TENM3: variants seen among roughly 807,000 people sequenced by gnomAD.
TENM3 encodes the protein teneurin-3.
In TENM3, 63 loss-of-function variants were observed where a neutral mutation model predicts 255.1. The observed-to-expected ratio is 0.25, with a 90% CI of 0.20 to 0.30. TENM3 has a LOEUF of 0.30. Ranked by LOEUF, TENM3 falls within the 10% of genes least tolerant of loss-of-function variation. The pLI is 1.00. For missense variants in TENM3, 2,929 were observed against 3,461.1 expected, an observed-to-expected ratio of 0.85 and a Z score of 3.86; for synonymous variants, 1,306 against 1,322.3, an observed-to-expected ratio of 0.99 and a Z score of 0.27.
the TENM3 span, among the ~76,000 whole-genome samples, chr4:181,916,858 G>T: frequency 1.3e-5 from 2 of 151,996 alleles, no homozygotes; most frequent in Non-Finnish European, 2.9e-5. Context: ...CCTGGTGACA[G>T]CAAGACTCCG....
intron 3 of TENM3, among the ~76,000 whole-genome samples, chr4:182,498,537 C>G (rs1736018612): frequency 6.6e-6 from 1 of 151,816 alleles, no homozygotes; most frequent in Admixed American, 6.6e-5. Flanking sequence ...TTCCTATGTA[C>G]CCTCAGATTC....
the TENM3 span, among the ~76,000 whole-genome samples, chr4:181,914,933 A>G: frequency 6.6e-6 from 1 of 152,206 alleles, no homozygotes; most frequent in Non-Finnish European, 1.5e-5. Context: ...ATGTAGCATT[A>G]CAAGCCTTGT....
chr4:182,143,342 A>ACCCGC, upstream of TENM3: 1 of 167,070 alleles, frequency 6.0e-6, no homozygotes, highest in Middle Eastern at 3.4e-3. The surrounding 1 kb of genome is among the most constrained non-coding windows in gnomAD (Gnocchi z 4.3). Context: ...TCCCTGTCCA[A>ACCCGC]AGGTCATTTG....
the TENM3 span, among the ~76,000 whole-genome samples, chr4:182,111,621 C>A: frequency 2.0e-5 from 3 of 152,216 alleles, no homozygotes; most frequent in Admixed American, 6.5e-5. Context: ...GCAAAGGAGT[C>A]TTTTCCTTAG....
chr4:182,751,748 C>T, intron 19 of TENM3, 52 bp from the exon 20 acceptor site: 4 of 1,307,132 alleles, frequency 3.1e-6, no homozygotes, highest in Non-Finnish European at 4.4e-6. Flanking sequence ...TAATTTCCCT[C>T]TGTGTATTAG....
Position 182,688,070 on chromosome 4 carries a change from A to G in TENM3, c.2036-96A>G, listed in dbSNP as rs928256492. 19 of 1,230,310 alleles carry G rather than the reference A, an allele frequency of 1.5e-5. No individual in the cohort carries two copies. The African/African-American group carries it at 2.6e-4, about 17-fold the overall frequency. The allele number at this position is 1,230,310 out of a possible 1,614,324, so 76.2% of individuals were successfully genotyped here. A position where few individuals can be genotyped will look rare whatever the true frequency, so the allele number is the denominator to read the frequency against. On this transcript the variant is annotated intron_variant, in intron 11 of 27. Transcript: ENST00000511685. ...TTTGGATGATTTTGTGTTTCCCTTGAACAAATTTGTGTGGAAGATAAAAGC... is the reference window on the plus strand; with the variant it reads ...TTTGGATGATTTTGTGTTTCCCTTGGACAAATTTGTGTGGAAGATAAAAGC...
chr4:182,763,756 A>G lies in TENM3; in HGVS notation c.4892+8497A>G, dbSNP rs114933027. Among the ~76,000 whole-genome samples, 1,381 of 152,320 alleles carry G rather than the reference A, an allele frequency of 9.1e-3. 19 individuals are homozygous for G. The highest frequency in any genetic ancestry group is 0.031 in the African/African-American group (1,294 of 41,552). On this transcript the variant is annotated intron_variant, in intron 22 of 27. Transcript: ENST00000511685. ...TCTAAATGCATCAGACTATTCCTAG[A>G]GAAGTCAAAAAATATTCAGGATGAC... is the stretch of plus-strand genomic sequence containing the variant.
chr4:182,716,827 TA>T (rs1429743635), intron 13 of TENM3, among the ~76,000 whole-genome samples: 10 of 152,234 alleles, frequency 6.6e-5, no homozygotes, highest in African/African-American at 2.4e-4. Flanking sequence ...TGTAGTGTTA[TA>T]GATCCATTGT....
At chr4:181,569,157 G>A in the TENM3 span, among the ~76,000 whole-genome samples, 3 of 152,000 alleles carry the variant, frequency 2.0e-5, no homozygotes, top group African/African-American at 7.3e-5. Context: ...ACATAGTGAG[G>A]CCCCCGTCTC....
chr4:182,242,602 A>T (rs1757354326), upstream of TENM3, among the ~76,000 whole-genome samples: 1 of 152,096 alleles, frequency 6.6e-6, no homozygotes, highest in South Asian at 2.1e-4. Context: ...CTCTACAAAA[A>T]ATACAAAAAT....
At chr4:182,006,348 G>T in the TENM3 span, among the ~76,000 whole-genome samples, 5 of 152,220 alleles carry the variant, frequency 3.3e-5, no homozygotes, top group African/African-American at 2.4e-5. Flanking sequence ...CTGTGAATCT[G>T]TCTGGTCCTG....
At chr4:182,663,890 C>G (rs1174695885) in intron 6 of TENM3, among the ~76,000 whole-genome samples, 1 of 150,598 alleles carries the variant, frequency 6.6e-6, no homozygotes, top group Non-Finnish European at 1.5e-5. Context: ...CAATCCTTTT[C>G]CCGGTTTCTG....
In TENM3 at chr4:182,589,682, A is replaced by G. The variant is rs143124995; in HGVS notation, c.512-11242A>G. Among the ~76,000 whole-genome samples the G allele has an allele frequency of 1.4e-3, 219 of 151,966 alleles. 2 individuals are homozygous for G. Among genetic ancestry groups the G allele is most frequent in the African/African-American group, 5.1e-3 (212 of 41,502 alleles). On this transcript the variant is annotated intron_variant, in intron 3 of 27. Coordinates refer to ENST00000511685, the MANE Select transcript of TENM3 (RefSeq NM_001080477.4). ...GGTTTGAGAGTATATTCTTTTAAAAACGGTTTGCGGCCGGGCGCAGTGGCT... is the reference window on the plus strand; with the variant it reads ...GGTTTGAGAGTATATTCTTTTAAAAGCGGTTTGCGGCCGGGCGCAGTGGCT...
chr4:182,692,101 T>G (rs1757051508), intron 12 of TENM3, among the ~76,000 whole-genome samples: 2 of 152,220 alleles, frequency 1.3e-5, no homozygotes, highest in African/African-American at 2.4e-5. Flanking sequence ...TATCTGGCTA[T>G]CTCTATGTAA....
chr4:181,561,334 G>A, the TENM3 span, among the ~76,000 whole-genome samples: 1 of 151,976 alleles, frequency 6.6e-6, no homozygotes, highest in Non-Finnish European at 1.5e-5. Context: ...CATGCTGTAT[G>A]AATGAACCAA....
At chr4:182,074,129 G>A in the TENM3 span, among the ~76,000 whole-genome samples, 1 of 152,156 alleles carries the variant, frequency 6.6e-6, no homozygotes, top group Non-Finnish European at 1.5e-5. Flanking sequence ...ACAGAATTAT[G>A]GCTAAACTGC....
chr4:181,652,031 C>T, the TENM3 span, among the ~76,000 whole-genome samples: 1 of 151,290 alleles, frequency 6.6e-6, no homozygotes. Flanking sequence ...TAGCTTATAA[C>T]ATCTAATGTA....
the TENM3 span, among the ~76,000 whole-genome samples, chr4:181,900,925 G>A: frequency 6.6e-6 from 1 of 152,096 alleles, no homozygotes; most frequent in South Asian, 2.1e-4. Flanking sequence ...TTGTGCACCT[G>A]CCCACATGTG....
chr4:182,557,272 T>C (rs1029736354), intron 3 of TENM3, among the ~76,000 whole-genome samples: 2 of 152,204 alleles, frequency 1.3e-5, no homozygotes, highest in Non-Finnish European at 2.9e-5. Flanking sequence ...GTGCATTTGT[T>C]AACTGGGACC....
Sources: allele counts gnomAD v4.1 joint callset (sites outside exome capture counted in the v4.1 genomes callset), GRCh38; gene constraint gnomAD v4.1.1; non-coding constraint Gnocchi (gnomAD v3.1); transcripts MANE v1.5; gene names NCBI Gene and HGNC (gene_info 2026-07-23, HGNC 2026-07-21).